The following GRIK1 variants were observed in gnomAD, a reference collection of about 807,000 sequenced individuals.
GRIK1 encodes glutamate ionotropic receptor kainate type subunit 1, also known as glutamate receptor ionotropic, kainate 1.
Under a neutral mutation model 105.7 loss-of-function variants are expected in GRIK1, and 69 were observed. The ratio of observed to expected loss-of-function variants is 0.65; its 90% CI spans 0.54 to 0.80. The LOEUF (loss-of-function observed/expected upper bound fraction) is 0.80, where lower values mean the gene tolerates loss of function less well. GRIK1 is among the 30% of genes least tolerant of loss of function. GRIK1 has a pLI of 0.00. For missense variants in GRIK1, 1,109 were observed against 1,167.3 expected, an observed-to-expected ratio of 0.95 and a Z score of 0.73; for synonymous variants, 438 against 431.3, an observed-to-expected ratio of 1.02 and a Z score of -0.19.
intron 1 of GRIK1, among the ~76,000 whole-genome samples, chr21:29,814,819 T>C (rs2067110746): frequency 6.6e-6 from 1 of 152,060 alleles, no homozygotes; most frequent in Non-Finnish European, 1.5e-5. Flanking sequence ...AGGTTAAGTT[T>C]TCAAATTTTT....
chr21:29,561,216 C>A (rs1601119571), intron 15 of GRIK1, among the ~76,000 whole-genome samples: 1 of 152,228 alleles, frequency 6.6e-6, no homozygotes, highest in East Asian at 1.9e-4. Flanking sequence ...GGAACACTAG[C>A]CCTCTCACTT....
At chr21:29,633,996 T>G (rs962987814) in intron 7 of GRIK1, among the ~76,000 whole-genome samples, 31 of 152,180 alleles carry the variant, frequency 2.0e-4, no homozygotes, top group Admixed American at 3.3e-4. Flanking sequence ...ATGGGAAGTG[T>G]TACTCAGTGA....
intron 1 of GRIK1, among the ~76,000 whole-genome samples, chr21:29,928,842 C>T (rs953053574): frequency 5.9e-5 from 9 of 152,248 alleles, no homozygotes; most frequent in East Asian, 1.9e-4. Flanking sequence ...CAGCAAATGC[C>T]TCTCCTTTCA....
intron 10 of GRIK1, among the ~76,000 whole-genome samples, chr21:29,589,632 G>C (rs1312683008): frequency 6.6e-6 from 1 of 151,710 alleles, no homozygotes; most frequent in African/African-American, 2.4e-5. Flanking sequence ...TCACCATGTT[G>C]GTCCAGGATG....
intron 16 of GRIK1, among the ~76,000 whole-genome samples, chr21:29,551,519 T>C (rs952169449): frequency 6.6e-6 from 1 of 152,196 alleles, no homozygotes; most frequent in Non-Finnish European, 1.5e-5. Flanking sequence ...TTAGTAAAGC[T>C]GAATTTAAAT....
intron 1 of GRIK1, among the ~76,000 whole-genome samples, chr21:29,900,106 A>T (rs923063199): frequency 6.6e-6 from 1 of 151,478 alleles, no homozygotes; most frequent in South Asian, 2.1e-4. Flanking sequence ...AAAAGAAAAT[A>T]AAAAGAAAAA....
chr21:29,662,837 A>G (rs1319409570), intron 4 of GRIK1, among the ~76,000 whole-genome samples: 1 of 152,106 alleles, frequency 6.6e-6, no homozygotes, highest in Non-Finnish European at 1.5e-5. Context: ...TCTCCAAAAT[A>G]CCAATGCCTG....
intron 1 of GRIK1, among the ~76,000 whole-genome samples, chr21:29,816,679 A>G (rs1490247134): frequency 1.3e-5 from 2 of 152,154 alleles, no homozygotes; most frequent in Non-Finnish European, 2.9e-5. Flanking sequence ...GTTAAGTAAA[A>G]TAAGCCAAGC....
intron 4 of GRIK1, among the ~76,000 whole-genome samples, chr21:29,668,815 A>G (rs1444384179): frequency 2.0e-5 from 3 of 152,182 alleles, no homozygotes; most frequent in African/African-American, 7.2e-5. Context: ...ATGAGGGTGT[A>G]TATGAAGGAT....
At chr21:29,711,775 C>T (rs75018477) in intron 1 of GRIK1, among the ~76,000 whole-genome samples, 2 of 151,966 alleles carry the variant, frequency 1.3e-5, no homozygotes, top group African/African-American at 4.8e-5. Context: ...TTTTTAAATG[C>T]ACACATTATT....
intron 1 of GRIK1, among the ~76,000 whole-genome samples, chr21:29,791,078 G>C (rs569357206): frequency 6.6e-6 from 1 of 152,248 alleles, no homozygotes; most frequent in East Asian, 1.9e-4. Flanking sequence ...CCAAGAGTTG[G>C]GCATCATCCA....
At chr21:29,856,091 G>A (rs187685677) in intron 1 of GRIK1, among the ~76,000 whole-genome samples, 301 of 152,246 alleles carry the variant, frequency 2.0e-3, no homozygotes, top group African/African-American at 6.9e-3. Flanking sequence ...AGATTTCTGG[G>A]GTACAAGTAG....
At chr21:29,799,718 C>G (rs143352211) in intron 1 of GRIK1, among the ~76,000 whole-genome samples, 4,837 of 152,162 alleles carry the variant, frequency 0.032, 128 homozygotes, top group Middle Eastern at 0.071. Context: ...TTAGTAGAGA[C>G]AGGATTTCAC....
chr21:29,617,388 TC>T (rs1239630750), intron 7 of GRIK1, among the ~76,000 whole-genome samples: 1 of 152,206 alleles, frequency 6.6e-6, no homozygotes, highest in Non-Finnish European at 1.5e-5. Flanking sequence ...CATGGATTGT[TC>T]CCGTGTGCAA....
intron 1 of GRIK1, among the ~76,000 whole-genome samples, chr21:29,796,816 GT>G (rs907336791): frequency 1.4e-4 from 21 of 152,054 alleles, no homozygotes; most frequent in African/African-American, 4.8e-4. Flanking sequence ...GGGTGTGGTG[GT>G]GCATGTCTGT....
At chr21:29,856,351 TG>T (rs1447235096) in intron 1 of GRIK1, among the ~76,000 whole-genome samples, 2 of 152,184 alleles carry the variant, frequency 1.3e-5, no homozygotes, top group African/African-American at 2.4e-5. Context: ...TAGCCAATTA[TG>T]TTGAAAACTT....
intron 1 of GRIK1, among the ~76,000 whole-genome samples, chr21:29,872,192 CTTTT>C (rs35165931): frequency 1.9e-5 from 2 of 107,680 alleles, no homozygotes; most frequent in African/African-American, 3.2e-5. Context: ...GCTCTCACTT[CTTTT>C]TTTTTTTTTT....
chr21:29,919,391 C>T (rs946059587), intron 1 of GRIK1, among the ~76,000 whole-genome samples: 3 of 152,134 alleles, frequency 2.0e-5, no homozygotes, highest in African/African-American at 7.2e-5. Flanking sequence ...TGAGTGATTT[C>T]AGATTAGTGG....
chr21:29,784,835 T>C (rs573226091), intron 1 of GRIK1, among the ~76,000 whole-genome samples: 8 of 152,208 alleles, frequency 5.3e-5, no homozygotes, highest in Non-Finnish European at 1.2e-4. Context: ...TAGAAATGAA[T>C]GAATGAATTA....
Sources: allele counts gnomAD v4.1 joint callset (sites outside exome capture counted in the v4.1 genomes callset), GRCh38; gene constraint gnomAD v4.1.1; transcripts MANE v1.5; gene names NCBI Gene and HGNC (gene_info 2026-07-23, HGNC 2026-07-21).